The following CLEC12A variants were observed in gnomAD, a reference collection of about 807,000 sequenced individuals.
CLEC12A encodes the protein C-type lectin domain family 12 member A.
In CLEC12A, 22 loss-of-function variants were observed where a neutral mutation model predicts 26.5. The observed-to-expected ratio is 0.83, with a 90% CI of 0.59 to 1.19. CLEC12A has a LOEUF of 1.19. Ranked by LOEUF, CLEC12A falls within the 50% of genes most tolerant of loss-of-function variation. CLEC12A has a pLI of 0.00. For synonymous variants in CLEC12A, 119 were observed against 101.9 expected (o/e 1.17, Z -1.01); for missense variants, 353 against 315.6 (o/e 1.12, Z -0.90).
At chr12:9,988,384 A>T (rs1432026887), downstream of CLEC12A, among the ~76,000 whole-genome samples, 1 of 152,212 alleles carries the variant, frequency 6.6e-6, no homozygotes, top group African/African-American at 2.4e-5. Context: ...TAAACTCAAG[A>T]GCTTCTGCAC....
downstream of CLEC12A, chr12:9,997,042 T>G (rs1865068397): frequency 2.5e-6 from 4 of 1,611,162 alleles, no homozygotes; most frequent in Non-Finnish European, 2.5e-6. Context: ...TTTTCTAAAT[T>G]GGGCTTACAT....
intron 5 of CLEC12A, among the ~76,000 whole-genome samples, 154 bp from the exon 6 acceptor site, chr12:9,984,716 G>T (rs962515810): frequency 6.6e-6 from 1 of 152,032 alleles, no homozygotes; most frequent in Non-Finnish European, 1.5e-5. Context: ...CAATTAACTC[G>T]GACATTCTTG....
At chr12:9,963,749 G>A (rs1161663496) in intron 1 of CLEC12A, among the ~76,000 whole-genome samples, 1 of 152,196 alleles carries the variant, frequency 6.6e-6, no homozygotes, top group African/African-American at 2.4e-5. Flanking sequence ...CTTGTGCGAG[G>A]CAAAACTGGA....
At chr12:9,962,535 A>G (rs1863851414) in intron 1 of CLEC12A, among the ~76,000 whole-genome samples, 1 of 152,070 alleles carries the variant, frequency 6.6e-6, no homozygotes, top group African/African-American at 2.4e-5. Context: ...CCGAAAAGAG[A>G]GTCAGCGAAG....
intron 1 of CLEC12A, chr12:9,952,618 GTC>G (rs1863641646): frequency 6.0e-6 from 1 of 166,022 alleles, no homozygotes; most frequent in Non-Finnish European, 1.3e-5. Flanking sequence ...AGTGAGGAGT[GTC>G]TCCGCCTGGC....
intron 1 of CLEC12A, among the ~76,000 whole-genome samples, chr12:9,976,357 G>C (rs528302462): frequency 1.3e-5 from 2 of 152,332 alleles, no homozygotes; most frequent in Non-Finnish European, 2.9e-5. Flanking sequence ...AGACATGGGA[G>C]CCTACCTCTT....
At chr12:9,965,220 G>A (rs1034874781) in intron 1 of CLEC12A, among the ~76,000 whole-genome samples, 1 of 152,128 alleles carries the variant, frequency 6.6e-6, no homozygotes, top group Non-Finnish European at 1.5e-5. Flanking sequence ...AAGGCTACAG[G>A]GTGCGGTCCC....
At chr12:9,964,576 A>G (rs1863897043) in intron 1 of CLEC12A, among the ~76,000 whole-genome samples, 1 of 152,098 alleles carries the variant, frequency 6.6e-6, no homozygotes, top group Admixed American at 6.6e-5. Context: ...TCTGAGAGGG[A>G]GTTAAGAGTT....
At chr12:9,996,197 T>C (rs1232616220), downstream of CLEC12A, among the ~76,000 whole-genome samples, 4 of 152,206 alleles carry the variant, frequency 2.6e-5, no homozygotes, top group East Asian at 5.8e-4. Context: ...ACCGGGAACC[T>C]TTCTGTTATA....
chr12:9,965,937 G>A (rs150328567), intron 1 of CLEC12A, among the ~76,000 whole-genome samples: 3,321 of 152,206 alleles, frequency 0.022, 41 homozygotes, highest in Middle Eastern at 0.037. Context: ...AGATACAAGG[G>A]GAGGATGTGA....
At chr12:9,987,782 C>G (rs1029937416), downstream of CLEC12A, among the ~76,000 whole-genome samples, 3 of 151,810 alleles carry the variant, frequency 2.0e-5, no homozygotes, top group Non-Finnish European at 4.4e-5. Flanking sequence ...AGCCCCAGAT[C>G]ATTTTACCTT....
At chr12:9,975,635 TAA>T (rs769814358) in intron 1 of CLEC12A, among the ~76,000 whole-genome samples, 6 of 152,074 alleles carry the variant, frequency 3.9e-5, no homozygotes, top group Non-Finnish European at 8.8e-5. Flanking sequence ...TTGACAATGA[TAA>T]ATAAAAGAAA....
chr12:9,980,909 C>T (rs527698507), intron 4 of CLEC12A, among the ~76,000 whole-genome samples, 176 bp downstream of exon 4: 4 of 152,210 alleles, frequency 2.6e-5, no homozygotes, highest in South Asian at 4.1e-4. Context: ...AGTTTAGGAC[C>T]TTAGCATAAG....
intron 1 of CLEC12A, among the ~76,000 whole-genome samples, chr12:9,965,522 A>C (rs1863917358): frequency 6.6e-6 from 1 of 151,222 alleles, no homozygotes; most frequent in Non-Finnish European, 1.5e-5. Context: ...GGCTGGGATG[A>C]CGGGTGCAAA....
upstream of CLEC12A, among the ~76,000 whole-genome samples, chr12:9,966,450 G>A (rs560465185): frequency 6.6e-6 from 1 of 152,276 alleles, no homozygotes; most frequent in African/African-American, 2.4e-5. Context: ...GTGGGGTCTT[G>A]CACAGATGGG....
At chr12:9,998,113 G>T (rs1289353295), downstream of CLEC12A, among the ~76,000 whole-genome samples, 2 of 151,964 alleles carry the variant, frequency 1.3e-5, no homozygotes, top group Admixed American at 6.6e-5. Flanking sequence ...TAATCACAAG[G>T]AAACAGTCAG....
intron 1 of CLEC12A, among the ~76,000 whole-genome samples, chr12:9,977,885 A>G (rs949013697): frequency 6.6e-6 from 1 of 152,188 alleles, no homozygotes; most frequent in Admixed American, 6.5e-5. Context: ...TAATAATTGA[A>G]TAAGTTCATT....
upstream of CLEC12A, chr12:9,971,283 T>C: frequency 2.3e-6 from 1 of 437,808 alleles, no homozygotes. Flanking sequence ...CCAAACACAA[T>C]TTCAAAAACT....
chr12:9,987,807 T>C (rs565024662), downstream of CLEC12A, among the ~76,000 whole-genome samples: 5 of 152,208 alleles, frequency 3.3e-5, no homozygotes, highest in African/African-American at 7.2e-5. Flanking sequence ...TTCTTTCTTT[T>C]ATTTATTTAT....
Sources: gnomAD v4.1 joint callset for allele counts (sites outside exome capture counted in the v4.1 genomes callset) on GRCh38, gnomAD v4.1.1 for gene constraint, MANE v1.5 for transcripts, NCBI Gene and HGNC (gene_info 2026-07-23, HGNC 2026-07-21) for gene names.